Variants in PCM1 observed in about 807,000 individuals in gnomAD.
PCM1 encodes the protein pericentriolar material 1.
In PCM1, 157 loss-of-function variants were observed where a neutral mutation model predicts 241.9. The observed-to-expected ratio is 0.65, with a 90% CI of 0.57 to 0.74. The LOEUF (loss-of-function observed/expected upper bound fraction) is 0.74. PCM1 is among the 30% of genes least tolerant of loss of function. The probability of loss-of-function intolerance (pLI) is 0.00; values close to 1 mark genes in which losing one functional copy is unlikely to be tolerated. For synonymous variants in PCM1, 1,085 were observed against 784.9 expected, an observed-to-expected ratio of 1.38 and a Z score of -6.39; for missense variants, 3,478 against 2,360.1, an observed-to-expected ratio of 1.47 and a Z score of -9.81.
At chr8:18,016,590 C>T (rs904685898) in intron 36 of PCM1, among the ~76,000 whole-genome samples, 1 of 152,098 alleles carries the variant, frequency 6.6e-6, no homozygotes, top group Non-Finnish European at 1.5e-5. Context: ...TCCAAAATTG[C>T]CTTGCTAAAA....
rs142576666 is a variant in PCM1, at chr8:17,993,427, T to C, written c.4691-56T>C. The C allele has an allele frequency of 7.3e-4, 867 of 1,184,724 alleles. 3 individuals are homozygous for C. The African/African-American group carries it at 0.012, about 16-fold the overall frequency. 73.4% of individuals were successfully genotyped at this position (1,184,724 alleles called of 1,614,324 possible). A position where few individuals can be genotyped will look rare whatever the true frequency, so the allele number is the denominator to read the frequency against. The stretch of plus-strand genomic sequence containing the variant: ...TTTTTCAAATTTCAACATAAAGGCA[T>C]ATATGTATATATAATAGGCTTTGTT... On this transcript the variant is annotated intron_variant, in intron 28 of 38. Coordinates refer to ENST00000325083, the MANE Select transcript of PCM1 (RefSeq NM_006197.4).
chr8:17,972,147 A>G (rs952094670), intron 22 of PCM1, among the ~76,000 whole-genome samples, 182 bp from the exon 23 acceptor site: 1 of 152,228 alleles, frequency 6.6e-6, no homozygotes, highest in Non-Finnish European at 1.5e-5. Context: ...AATTAAAACT[A>G]ATTTACTACC....
Position 17,969,751 on chromosome 8 carries a change from A to AC in PCM1, c.3584+4dup, listed in dbSNP as rs3214087. 0.77 allele frequency: 1,235,163 copies of AC among 1,598,422 alleles called. 482,747 individuals are homozygous for AC. The highest frequency in any genetic ancestry group is 0.87 in the African/African-American group (64,761 of 74,458). ...TCTATTGGAGCAGAGAAACCAAGGT[A>AC]CTGATTGTAAACAGTCTTTTATTGC... On this transcript the variant is annotated splice_donor_region_variant and intron_variant, in intron 22 of 38. Transcript: ENST00000325083.
chr8:17,940,164 C>T (rs775557643), intron 6 of PCM1: 41 of 1,456,956 alleles, frequency 2.8e-5, no homozygotes, highest in South Asian at 4.9e-5. Context: ...CCACGGTAAG[C>T]GGCTTTTTGG....
In PCM1 at chr8:17,956,829, C is replaced by T. The variant is rs1024451445; in HGVS notation, c.1646+52C>T. The T allele has an allele frequency of 2.2e-6, 3 of 1,350,384 alleles. No individual in the cohort carries two copies. In the African/African-American group the frequency reaches 4.3e-5, roughly 20 times the overall value. The allele number at this position is 1,350,384 out of a possible 1,614,324, so 83.7% of individuals were successfully genotyped here. ...CCAGCATATTCATTCTGTCTTGATACTTATAATGTGGGAACAAAAATACTT... is the reference window on the plus strand; with the variant it reads ...CCAGCATATTCATTCTGTCTTGATATTTATAATGTGGGAACAAAAATACTT... On this transcript the variant is annotated intron_variant, in intron 11 of 38. Transcript: ENST00000325083.
chr8:18,018,852 G>GTA (rs71519940), intron 36 of PCM1, among the ~76,000 whole-genome samples: 2,015 of 53,612 alleles, frequency 0.038, 36 homozygotes, highest in South Asian at 0.076. Context: ...GTGTGTGTGT[G>GTA]TATATATATA....
intron 31 of PCM1, among the ~76,000 whole-genome samples, chr8:18,010,401 A>G (rs1049171060): frequency 1.3e-5 from 2 of 152,160 alleles, no homozygotes; most frequent in African/African-American, 4.8e-5. Context: ...TTTTCATGAT[A>G]TTTATTTTCT....
intron 6 of PCM1, among the ~76,000 whole-genome samples, chr8:17,944,348 T>C (rs2063125230): frequency 6.6e-6 from 1 of 152,150 alleles, no homozygotes; most frequent in South Asian, 2.1e-4. Context: ...CTTTATCTTC[T>C]CTAGGCTTAT....
rs1564428019 is a variant in PCM1 at position 18,018,876 on chromosome 8, A to ATGTGTGTG, written c.5841+4037_5841+4038insGTGTGTGT. On this transcript the variant is annotated intron_variant, in intron 36 of 38. Transcript: ENST00000325083. ...TGTATATATATATATATATATATAT[A>ATGTGTGTG]TATACACACACATATACATACACAT... 8.3e-3 allele frequency among the ~76,000 whole-genome samples: 263 copies of ATGTGTGTG among 31,668 alleles called. 6 individuals carry two copies. Among genetic ancestry groups the ATGTGTGTG allele is most frequent in the South Asian group, 0.035 (61 of 1,740 alleles). 20.8% of individuals were successfully genotyped at this position (31,668 alleles called of 152,430 possible).
intron 13 of PCM1, among the ~76,000 whole-genome samples, chr8:17,958,836 C>G (rs1586830550): frequency 6.6e-6 from 1 of 152,256 alleles, no homozygotes; most frequent in East Asian, 1.9e-4. Flanking sequence ...ATTCTTCTGC[C>G]TCAGCCTCCC....
intron 29 of PCM1, among the ~76,000 whole-genome samples, chr8:17,999,807 C>G (rs1319100539): frequency 6.6e-6 from 1 of 151,800 alleles, no homozygotes; most frequent in Non-Finnish European, 1.5e-5. Flanking sequence ...TTGGTGGAGG[C>G]TTCTGTTCTG....
At chr8:17,981,150 C>T (rs1233563217) in intron 24 of PCM1, among the ~76,000 whole-genome samples, 1 of 152,112 alleles carries the variant, frequency 6.6e-6, no homozygotes, top group Non-Finnish European at 1.5e-5. Flanking sequence ...GATTTGGTTC[C>T]TTCCTGCCTC....
intron 29 of PCM1, among the ~76,000 whole-genome samples, chr8:18,003,297 G>C (rs949411316): frequency 6.6e-6 from 1 of 152,134 alleles, no homozygotes; most frequent in African/African-American, 2.4e-5. Context: ...CTCTTTAGAC[G>C]CTCTAAGTGT....
At chr8:17,986,645 A>G (rs978168888) in intron 26 of PCM1, among the ~76,000 whole-genome samples, 2 of 151,792 alleles carry the variant, frequency 1.3e-5, no homozygotes, top group Non-Finnish European at 3.0e-5. Flanking sequence ...TCCAAATAGC[A>G]CTTAGCACAT....
chr8:17,964,828 C>G, intron 18 of PCM1, 60 bp downstream of exon 18: 1 of 1,265,418 alleles, frequency 7.9e-7, no homozygotes. Flanking sequence ...TTTTGACTGA[C>G]AGCAAGCACT....
intron 21 of PCM1, among the ~76,000 whole-genome samples, chr8:17,968,125 T>C (rs2075590802): frequency 6.6e-6 from 1 of 151,374 alleles, no homozygotes; most frequent in Non-Finnish European, 1.5e-5. Context: ...AGATTAGAAA[T>C]GAAAGGGCTT....
intron 38 of PCM1, among the ~76,000 whole-genome samples, chr8:18,025,984 G>GA (rs916298031): frequency 1.3e-5 from 2 of 151,614 alleles, no homozygotes; most frequent in Non-Finnish European, 2.9e-5. Context: ...CTAACATGGT[G>GA]AAACCCCGTC....
intron 36 of PCM1, among the ~76,000 whole-genome samples, chr8:18,019,615 A>T (rs2093599915): frequency 6.6e-6 from 1 of 152,124 alleles, no homozygotes; most frequent in Admixed American, 6.5e-5. Context: ...CGCAACCTAG[A>T]TCTCTGGCAT....
rs201598166 is a variant in PCM1, at chr8:17,947,210, A to G, written c.808A>G (p.Met270Val). 3,376 of 1,608,008 alleles carry G rather than the reference A, an allele frequency of 2.1e-3. 7 individuals are homozygous for G. Among genetic ancestry groups the G allele is most frequent in the Non-Finnish European group, 2.5e-3 (2,912 of 1,175,504 alleles). The change falls in exon 7 of 39, where the codon ATG (methionine) becomes GTG (valine). Residue 270 changes from methionine to valine, a missense_variant. Coordinates refer to ENST00000325083, the MANE Select transcript of PCM1 (RefSeq NM_006197.4). The part of the protein sequence containing the change: ...ILARDPQQEP[M>V]EEIENLKKQH... ...GGCCAGAGATCCTCAGCAGGAGCCT[A>G]TGGAAGAGATAGAAAATTTGAAGAA...
Sources: allele counts gnomAD v4.1 joint callset (sites outside exome capture counted in the v4.1 genomes callset), GRCh38; gene constraint gnomAD v4.1.1; transcripts MANE v1.5; gene names NCBI Gene and HGNC (gene_info 2026-07-23, HGNC 2026-07-21).